Variants in PCDHA13 observed in about 807,000 individuals in gnomAD.
PCDHA13 encodes the protein protocadherin alpha 13.
Under a neutral mutation model 64.8 loss-of-function variants are expected in PCDHA13, and 54 were observed. The observed-to-expected ratio is 0.83, with a 90% CI of 0.67 to 1.04. PCDHA13 has a LOEUF of 1.04. Among genes scored for constraint, PCDHA13 ranks in the 50% least tolerant of loss-of-function variants. The probability of loss-of-function intolerance (pLI) is 0.00; values close to 1 mark genes in which losing one functional copy is unlikely to be tolerated. For missense variants in PCDHA13, 1,248 were observed against 1,254.3 expected (o/e 0.99, Z 0.08); for synonymous variants, 587 against 564.4 (o/e 1.04, Z -0.57).
chr5:140,967,215 G>T (rs782646028), intron 1 of PCDHA13: 1 of 1,613,682 alleles, frequency 6.2e-7, no homozygotes, highest in Non-Finnish European at 8.5e-7. Context: ...CGTTTCCCGC[G>T]GCCCAACTAC....
chr5:141,001,913 C>T (rs545106723), intron 3 of PCDHA13, among the ~76,000 whole-genome samples: 2 of 152,296 alleles, frequency 1.3e-5, no homozygotes, highest in South Asian at 2.1e-4. Flanking sequence ...AAAAAGACTG[C>T]AGTGGCTGAC....
rs1246867400 is a variant in PCDHA13, at chr5:140,885,558, AATTG to A, written c.2394+901_2394+904del. Among the ~76,000 whole-genome samples, 8 of 152,258 alleles carry A rather than the reference AATTG, an allele frequency of 5.3e-5. No individual in the cohort carries two copies. The South Asian group carries it at 1.0e-3, about 20-fold the overall frequency. On this transcript the variant is annotated intron_variant, in intron 1 of 3. Coordinates refer to ENST00000289272, the MANE Select transcript of PCDHA13 (RefSeq NM_018904.3). Reference sequence around the variant, plus strand: ...CAAAATATTGGTGTTATTTCTACGAAATTGATTGTCAGATGTGGAATTGATGCAT... The same window carrying A: ...CAAAATATTGGTGTTATTTCTACGAAATTGTCAGATGTGGAATTGATGCAT...
intron 1 of PCDHA13, chr5:140,966,810 G>C (rs1290992432): frequency 3.2e-6 from 5 of 1,548,566 alleles, no homozygotes; most frequent in Non-Finnish European, 4.3e-6. Context: ...GAGCATCCAC[G>C]GCTCCGGCGG....
intron 1 of PCDHA13, among the ~76,000 whole-genome samples, chr5:140,916,747 G>T (rs1445361224): frequency 2.6e-5 from 4 of 152,220 alleles, no homozygotes; most frequent in African/African-American, 9.6e-5. Context: ...TTCACTGCCT[G>T]GGATTAGGGG....
At chr5:140,987,722 T>C (rs2097265966) in intron 3 of PCDHA13, among the ~76,000 whole-genome samples, 1 of 152,204 alleles carries the variant, frequency 6.6e-6, no homozygotes, top group Admixed American at 6.5e-5. Context: ...GAGTCTATCC[T>C]ACAGCTTCAA....
chr5:140,924,872 G>A (rs1161649938), intron 1 of PCDHA13, among the ~76,000 whole-genome samples: 2 of 149,350 alleles, frequency 1.3e-5, no homozygotes, highest in South Asian at 2.1e-4. Context: ...TCCAGCCTGG[G>A]TGACAGAGCA....
intron 1 of PCDHA13, among the ~76,000 whole-genome samples, chr5:140,924,896 AAAAAAAAAATAAAAT>A (rs1195249436): frequency 5.8e-5 from 4 of 69,076 alleles, no homozygotes; most frequent in Non-Finnish European, 9.1e-5. Flanking sequence ...ACCTGTCTCA[AAAAAAAAAATAAAAT>A]AAAATAAAAT....
At chr5:140,964,959 T>C (rs1330728069) in intron 1 of PCDHA13, among the ~76,000 whole-genome samples, 2 of 152,168 alleles carry the variant, frequency 1.3e-5, no homozygotes, top group African/African-American at 4.8e-5. Context: ...GCTTGGTTGG[T>C]GGAACGAAGG....
intron 3 of PCDHA13, among the ~76,000 whole-genome samples, chr5:140,983,425 C>T (rs1252010683): frequency 2.0e-5 from 3 of 152,198 alleles, no homozygotes; most frequent in Non-Finnish European, 4.4e-5. Context: ...GTAGAGACCA[C>T]AAATTGTGTC....
At chr5:140,932,707 A>G (rs147056775) in intron 1 of PCDHA13, among the ~76,000 whole-genome samples, 1 of 152,086 alleles carries the variant, frequency 6.6e-6, no homozygotes, top group African/African-American at 2.4e-5. Flanking sequence ...CATATAGACA[A>G]CACAATAATA....
chr5:140,984,426 G>A (rs781888913), intron 3 of PCDHA13, among the ~76,000 whole-genome samples: 2 of 152,160 alleles, frequency 1.3e-5, no homozygotes, highest in South Asian at 2.1e-4. Flanking sequence ...AGATAGAGAA[G>A]GGGATCTCCC....
intron 3 of PCDHA13, among the ~76,000 whole-genome samples, chr5:141,007,925 G>T (rs2098351885): frequency 1.3e-5 from 2 of 152,138 alleles, no homozygotes; most frequent in South Asian, 4.2e-4. Context: ...ATATAAGCTG[G>T]AATTCTAAGC....
At chr5:140,954,183 A>T (rs246025) in intron 1 of PCDHA13, among the ~76,000 whole-genome samples, 85,732 of 152,134 alleles carry the variant, frequency 0.56, 24,791 homozygotes, top group African/African-American at 0.69. Flanking sequence ...CCAGTCTATC[A>T]TTGATGGGCA....
intron 1 of PCDHA13, among the ~76,000 whole-genome samples, chr5:140,954,085 C>G (rs1477637836): frequency 1.3e-5 from 2 of 152,142 alleles, no homozygotes; most frequent in African/African-American, 4.8e-5. Context: ...GCTTCCAGCT[C>G]CATCCATGTC....
At chr5:141,009,529 T>G in intron 3 of PCDHA13, 98 bp from the exon 4 acceptor site, 1 of 1,505,630 alleles carries the variant, frequency 6.6e-7, no homozygotes, top group Non-Finnish European at 8.9e-7. Context: ...TCTGGGGAGG[T>G]TCAGCCTGCC....
intron 1 of PCDHA13, among the ~76,000 whole-genome samples, chr5:140,932,571 A>G (rs1308740705): frequency 1.3e-5 from 2 of 151,926 alleles, no homozygotes; most frequent in African/African-American, 4.8e-5. Context: ...AGACTTTCCC[A>G]TAGGGTAATT....
chr5:140,986,247 G>A (rs758689038), intron 3 of PCDHA13, among the ~76,000 whole-genome samples: 1 of 152,012 alleles, frequency 6.6e-6, no homozygotes, highest in Non-Finnish European at 1.5e-5. Context: ...GAGCAGACCC[G>A]GACCACAGGC....
intron 1 of PCDHA13, among the ~76,000 whole-genome samples, chr5:140,924,224 T>A (rs1266072324): frequency 6.6e-6 from 1 of 152,220 alleles, no homozygotes; most frequent in Non-Finnish European, 1.5e-5. Context: ...TAAGTTCAAT[T>A]TTTATGGGCT....
intron 1 of PCDHA13, among the ~76,000 whole-genome samples, chr5:140,933,870 T>C (rs2089481018): frequency 6.6e-6 from 1 of 152,092 alleles, no homozygotes. Context: ...CAGATATATG[T>C]TAGTTTTATC....
Sources: gnomAD v4.1 joint callset for allele counts (sites outside exome capture counted in the v4.1 genomes callset) on GRCh38, gnomAD v4.1.1 for gene constraint, MANE v1.5 for transcripts, NCBI Gene and HGNC (gene_info 2026-07-23, HGNC 2026-07-21) for gene names.